The following BASP1 variants were observed in gnomAD, a reference collection of about 807,000 sequenced individuals.
BASP1 encodes the protein brain acid soluble protein 1.
Under a neutral mutation model 2.2 loss-of-function variants are expected in BASP1, and 1 was observed. The ratio of observed to expected loss-of-function variants is 0.46; its 90% CI spans 0.16 to 2.17. The LOEUF is 2.17. Ranked by LOEUF, BASP1 falls within the 30% of genes most tolerant of loss-of-function variation. The pLI is 0.27. For synonymous variants in BASP1, 187 were observed against 154.2 expected (o/e 1.21, Z -1.58); for missense variants, 352 against 327.2 (o/e 1.08, Z -0.58).
chr5:17,271,532 T>C (rs564051164), intron 1 of BASP1, among the ~76,000 whole-genome samples: 168 of 152,198 alleles, frequency 1.1e-3, no homozygotes, highest in Non-Finnish European at 1.8e-3. Flanking sequence ...GCCTTCAGCA[T>C]TGGTCTGAAT....
At chr5:17,254,259 A>G (rs1740157353) in intron 1 of BASP1, among the ~76,000 whole-genome samples, 1 of 152,246 alleles carries the variant, frequency 6.6e-6, no homozygotes, top group Non-Finnish European at 1.5e-5. Flanking sequence ...AAAAACAAAT[A>G]TCTGCTAACA....
At chr5:17,234,669 G>T (rs558510830) in intron 1 of BASP1, among the ~76,000 whole-genome samples, 3 of 152,168 alleles carry the variant, frequency 2.0e-5, no homozygotes, top group Non-Finnish European at 4.4e-5. Flanking sequence ...GTTGGGAGAC[G>T]CATCTCCTTT....
Position 17,260,068 on chromosome 5 carries a change from A to G in BASP1, c.-9-15140A>G, listed in dbSNP as rs1015359982. On this transcript the variant is annotated intron_variant, in intron 1 of 1. Transcript: ENST00000322611. This position sits in a 1 kb window ranked among gnomAD's most constrained non-coding sequence, Gnocchi z 4.2. ...ACCAAAAGAGCAGGTGATTCATGTAAAATCATATGTTAGGCTGCAATAACT... is the reference window on the plus strand; with the variant it reads ...ACCAAAAGAGCAGGTGATTCATGTAGAATCATATGTTAGGCTGCAATAACT... Among the ~76,000 whole-genome samples the G allele has an allele frequency of 7.2e-5, 11 of 152,218 alleles. No individual in the cohort carries two copies. The highest frequency in any genetic ancestry group is 2.7e-4 in the African/African-American group (11 of 41,452).
chr5:17,264,661 G>A (rs559994305), intron 1 of BASP1, among the ~76,000 whole-genome samples: 1 of 152,242 alleles, frequency 6.6e-6, no homozygotes, highest in African/African-American at 2.4e-5. Flanking sequence ...TGTCTTGATT[G>A]CAATGATGAA....
chr5:17,272,090 AAAG>A (rs1406650326), intron 1 of BASP1, among the ~76,000 whole-genome samples: 1 of 151,330 alleles, frequency 6.6e-6, no homozygotes, highest in Non-Finnish European at 1.5e-5. Context: ...AAAAAAAAAG[AAAG>A]AAAAGAAAAA....
intron 1 of BASP1, among the ~76,000 whole-genome samples, chr5:17,228,135 C>T (rs1250096121): frequency 6.6e-6 from 1 of 152,204 alleles, no homozygotes; most frequent in African/African-American, 2.4e-5. Context: ...TTTGGTTATC[C>T]TTTCATTGGT....
chr5:17,222,096 T>A lies in BASP1; in HGVS notation c.-10+4286T>A, dbSNP rs544753648. On this transcript the variant is annotated intron_variant, in intron 1 of 1. Coordinates refer to ENST00000322611, the MANE Select transcript of BASP1 (RefSeq NM_006317.5). ...ACTAACTAATTTCAGTATATTCAGCTGTATTTTTGTTCCAGCTTGATTAAT... is the reference window on the plus strand; with the variant it reads ...ACTAACTAATTTCAGTATATTCAGCAGTATTTTTGTTCCAGCTTGATTAAT... Among the ~76,000 whole-genome samples, 3 of 152,182 alleles carry A rather than the reference T, an allele frequency of 2.0e-5. No homozygotes were observed. In the South Asian group the frequency reaches 6.2e-4, roughly 32 times the overall value.
chr5:17,231,351 C>A (rs187617845), intron 1 of BASP1, among the ~76,000 whole-genome samples: 16 of 152,200 alleles, frequency 1.1e-4, no homozygotes, highest in Admixed American at 9.2e-4. Flanking sequence ...CTACTTGAAG[C>A]CATTAATCTA....
chr5:17,233,460 G>A (rs1166381253), intron 1 of BASP1, among the ~76,000 whole-genome samples: 2 of 152,178 alleles, frequency 1.3e-5, no homozygotes, highest in African/African-American at 2.4e-5. Context: ...GGAGCTGGCT[G>A]TGGGTCATCT....
At position 17,272,708 on chromosome 5, in the gene BASP1, T is replaced by C. The variant is rs568520717; in HGVS notation, c.-9-2500T>C. 2.1e-4 allele frequency among the ~76,000 whole-genome samples: 32 copies of C among 152,320 alleles called. No individual in the cohort carries two copies. In the South Asian group the frequency reaches 6.6e-3, roughly 32 times the overall value. On this transcript the variant is annotated intron_variant, in intron 1 of 1. Coordinates refer to ENST00000322611, the MANE Select transcript of BASP1 (RefSeq NM_006317.5). ...AAATGCCAGGGGCGTTTGTTAACTT[T>C]GTTTGAAAAACAAACTGGATTGAGA...
intron 1 of BASP1, among the ~76,000 whole-genome samples, chr5:17,238,347 G>A (rs1739789718): frequency 6.6e-6 from 1 of 151,938 alleles, no homozygotes; most frequent in South Asian, 2.1e-4. Context: ...AGAAACAGAA[G>A]AAGCTGAGTC....
In BASP1 at chr5:17,239,994, C is replaced by T. The variant is rs188252290; in HGVS notation, c.-10+22184C>T. On this transcript the variant is annotated intron_variant, in intron 1 of 1. Transcript: ENST00000322611. ...TATATGTGTTCCACCAAAATTCCTA[C>T]GTTGGAACCTAATGCCCAGTGTGAT... 4.5e-3 allele frequency among the ~76,000 whole-genome samples: 686 copies of T among 152,094 alleles called. 3 individuals are homozygous for T. Among genetic ancestry groups the T allele is most frequent in the Non-Finnish European group, 6.9e-3 (472 of 68,006 alleles).
intron 1 of BASP1, among the ~76,000 whole-genome samples, chr5:17,255,600 T>C (rs1740195017): frequency 6.6e-6 from 1 of 152,138 alleles, no homozygotes; most frequent in South Asian, 2.1e-4. Context: ...GTGTAACACA[T>C]CACTCACCAC....
intron 1 of BASP1, among the ~76,000 whole-genome samples, chr5:17,274,729 C>A (rs1740593036): frequency 6.6e-6 from 1 of 152,208 alleles, no homozygotes; most frequent in Non-Finnish European, 1.5e-5. Flanking sequence ...CACAACTGAG[C>A]TCCTTAATTT....
At chr5:17,237,329 G>C (rs532223696) in intron 1 of BASP1, among the ~76,000 whole-genome samples, 1 of 152,236 alleles carries the variant, frequency 6.6e-6, no homozygotes, top group South Asian at 2.1e-4. Context: ...GGGCGACACA[G>C]CGAGACTCCG....
chr5:17,269,327 G>C (rs929735143), intron 1 of BASP1, among the ~76,000 whole-genome samples: 6 of 152,204 alleles, frequency 3.9e-5, no homozygotes, highest in African/African-American at 1.4e-4. Flanking sequence ...ATCAGTTGTA[G>C]GAAGTGAGAC....
At chr5:17,256,528 G>A (rs181958339) in intron 1 of BASP1, among the ~76,000 whole-genome samples, 255 of 152,246 alleles carry the variant, frequency 1.7e-3, no homozygotes, top group Non-Finnish European at 3.1e-3. Flanking sequence ...GCACGTTTGT[G>A]CAAAAACTAA....
chr5:17,254,650 T>A (rs983969425), intron 1 of BASP1, among the ~76,000 whole-genome samples: 1 of 152,202 alleles, frequency 6.6e-6, no homozygotes, highest in Non-Finnish European at 1.5e-5. Flanking sequence ...TCACATTTAT[T>A]TATCAGATTT....
In BASP1 at chr5:17,275,961, C is replaced by CTCTCTCTCTA; in HGVS notation, c.*71_*80dup. On this transcript the variant is annotated 3_prime_UTR_variant, in exon 2 of 2. Coordinates refer to ENST00000322611, the MANE Select transcript of BASP1 (RefSeq NM_006317.5). This position sits in a 1 kb window ranked among gnomAD's most constrained non-coding sequence, Gnocchi z 5.3. ...AACAATCTCCTCTCTCTCTCTCTCT[C>CTCTCTCTCTA]TCTCTCTCTATCTCTCTCTCTATCT... The CTCTCTCTCTA allele has an allele frequency of 2.9e-6, 4 of 1,394,082 alleles. No individual in the cohort carries two copies. The South Asian group carries it at 4.4e-5, about 15-fold the overall frequency. 86.4% of individuals were successfully genotyped at this position (1,394,082 alleles called of 1,614,324 possible).
Sources: allele counts gnomAD v4.1 joint callset (sites outside exome capture counted in the v4.1 genomes callset), GRCh38; gene constraint gnomAD v4.1.1; non-coding constraint Gnocchi (gnomAD v3.1); transcripts MANE v1.5; gene names NCBI Gene and HGNC (gene_info 2026-07-23, HGNC 2026-07-21).